CSMD1: variants seen among roughly 807,000 people sequenced by gnomAD.
CSMD1 encodes the protein CUB and Sushi multiple domains 1.
In CSMD1, 213 loss-of-function variants were observed where a neutral mutation model predicts 417.5. That is an observed-to-expected ratio of 0.51 (90% CI 0.46 to 0.57). The LOEUF is 0.57. Ranked by LOEUF, CSMD1 falls within the 20% of genes least tolerant of loss-of-function variation. The probability of loss-of-function intolerance (pLI) is 0.00; values close to 1 mark genes in which losing one functional copy is unlikely to be tolerated. For synonymous variants in CSMD1, 2,862 were observed against 1,736.8 expected (o/e 1.65, Z -16.11); for missense variants, 6,923 against 4,529.7 (o/e 1.53, Z -15.17).
At chr8:3,172,996 A>C (rs1404787612) in intron 37 of CSMD1, among the ~76,000 whole-genome samples, 4 of 152,192 alleles carry the variant, frequency 2.6e-5, no homozygotes. Context: ...TGTCCCAAGA[A>C]GTGATTGTAG....
At chr8:4,810,398 G>A (rs1288179184) in intron 1 of CSMD1, among the ~76,000 whole-genome samples, 2 of 152,136 alleles carry the variant, frequency 1.3e-5, no homozygotes, top group African/African-American at 4.8e-5. Context: ...TTCATAACGT[G>A]ATTGTACCTT....
At chr8:2,966,501 T>TCA (rs1803971718) in intron 58 of CSMD1, 69 bp downstream of exon 58, 3 of 1,424,662 alleles carry the variant, frequency 2.1e-6, no homozygotes, top group Non-Finnish European at 2.9e-6. Flanking sequence ...CACCTTAAAG[T>TCA]CATTTTTTTT....
intron 1 of CSMD1, among the ~76,000 whole-genome samples, chr8:4,893,799 A>G (rs1010348050): frequency 1.3e-5 from 2 of 152,142 alleles, no homozygotes; most frequent in African/African-American, 2.4e-5. Context: ...TCAGATTCCA[A>G]TGTCTTTTTA....
At chr8:3,626,934 A>G (rs889008251) in intron 7 of CSMD1, among the ~76,000 whole-genome samples, 8 of 151,230 alleles carry the variant, frequency 5.3e-5, no homozygotes, top group African/African-American at 1.9e-4. Flanking sequence ...TTAGTATATT[A>G]TACAGTTTTA....
At chr8:3,907,054 T>C (rs914386827) in intron 5 of CSMD1, among the ~76,000 whole-genome samples, 3 of 152,260 alleles carry the variant, frequency 2.0e-5, no homozygotes, top group African/African-American at 4.8e-5. Context: ...CTTACTAAAG[T>C]TTCCAAATGT....
intron 12 of CSMD1, among the ~76,000 whole-genome samples, chr8:3,455,362 C>G (rs1376138132): frequency 6.6e-6 from 1 of 152,248 alleles, no homozygotes; most frequent in African/African-American, 2.4e-5. Context: ...TGAGGAGCTG[C>G]TTTCCTTTGG....
intron 3 of CSMD1, among the ~76,000 whole-genome samples, chr8:4,051,916 C>CTTTG (rs1563058919): frequency 1.4e-5 from 2 of 146,630 alleles, no homozygotes; most frequent in Non-Finnish European, 3.0e-5. Flanking sequence ...TCCTTCCTTT[C>CTTTG]TTTCTTTTTC....
At chr8:4,081,906 T>C (rs183279911) in intron 3 of CSMD1, among the ~76,000 whole-genome samples, 17 of 152,272 alleles carry the variant, frequency 1.1e-4, no homozygotes, top group Admixed American at 7.8e-4. Flanking sequence ...GTAGTGCTCA[T>C]GGGGGAGTGT....
intron 3 of CSMD1, among the ~76,000 whole-genome samples, chr8:4,392,069 T>A (rs1585003787): frequency 6.6e-6 from 1 of 152,194 alleles, no homozygotes; most frequent in East Asian, 1.9e-4. Context: ...TGGGACACCA[T>A]GGGTCTGCAG....
At chr8:4,146,110 G>C (rs536597238) in intron 3 of CSMD1, among the ~76,000 whole-genome samples, 2 of 150,974 alleles carry the variant, frequency 1.3e-5, no homozygotes, top group South Asian at 4.1e-4. Flanking sequence ...CAACATAATG[G>C]CAGTCGGTGA....
chr8:3,728,736 G>A (rs1425118388), intron 6 of CSMD1, among the ~76,000 whole-genome samples: 1 of 152,178 alleles, frequency 6.6e-6, no homozygotes, highest in African/African-American at 2.4e-5. Context: ...GGCATGGTCT[G>A]TCTTAAGTTA....
At chr8:3,512,712 A>T (rs898643832) in intron 10 of CSMD1, among the ~76,000 whole-genome samples, 4 of 151,202 alleles carry the variant, frequency 2.6e-5, no homozygotes, top group African/African-American at 9.7e-5. Flanking sequence ...GGGTTCAAGC[A>T]ATTCTCCTGC....
chr8:4,374,356 T>C (rs1020266152), intron 3 of CSMD1, among the ~76,000 whole-genome samples: 11 of 152,168 alleles, frequency 7.2e-5, no homozygotes, highest in African/African-American at 1.2e-4. Context: ...AGAATCTGAT[T>C]ATAGGTGTCA....
intron 22 of CSMD1, among the ~76,000 whole-genome samples, chr8:3,344,894 C>T (rs996422627): frequency 8.5e-5 from 13 of 152,168 alleles, no homozygotes; most frequent in Admixed American, 6.5e-4. Context: ...CTCTAATCTC[C>T]TTACTAAAAG....
At chr8:4,069,117 A>G (rs1345054168) in intron 3 of CSMD1, among the ~76,000 whole-genome samples, 2 of 152,186 alleles carry the variant, frequency 1.3e-5, no homozygotes, top group Non-Finnish European at 1.5e-5. Flanking sequence ...GATTTCCTGA[A>G]GGGAAATACT....
At chr8:3,941,599 G>C (rs140494636) in intron 5 of CSMD1, among the ~76,000 whole-genome samples, 5 of 152,144 alleles carry the variant, frequency 3.3e-5, no homozygotes, top group African/African-American at 1.2e-4. Flanking sequence ...TTAATAATAA[G>C]CATATGGTAA....
chr8:3,270,250 G>T (rs1454299438), intron 26 of CSMD1, among the ~76,000 whole-genome samples: 3 of 151,870 alleles, frequency 2.0e-5, no homozygotes, highest in Admixed American at 6.6e-5. Context: ...TAGAGATGGG[G>T]TATCACCATG....
chr8:3,488,194 C>T (rs976969781), intron 11 of CSMD1, among the ~76,000 whole-genome samples: 8 of 151,948 alleles, frequency 5.3e-5, no homozygotes, highest in African/African-American at 9.7e-5. Flanking sequence ...CCTTGATCTC[C>T]TGGGCACAAT....
At chr8:4,415,275 G>T (rs184435732) in intron 3 of CSMD1, among the ~76,000 whole-genome samples, 43 of 152,172 alleles carry the variant, frequency 2.8e-4, no homozygotes, top group East Asian at 5.8e-4. Context: ...CCCTCCTCCT[G>T]TAAACCACAT....
Sources: gnomAD v4.1 joint callset for allele counts (sites outside exome capture counted in the v4.1 genomes callset) on GRCh38, gnomAD v4.1.1 for gene constraint, MANE v1.5 for transcripts, NCBI Gene and HGNC (gene_info 2026-07-23, HGNC 2026-07-21) for gene names.